SOD1: variants seen among roughly 807,000 people sequenced by gnomAD.
SOD1 encodes the protein superoxide dismutase 1.
Under a neutral mutation model 15.9 loss-of-function variants are expected in SOD1, and 8 were observed. The observed-to-expected ratio is 0.50, with a 90% CI of 0.30 to 0.91. SOD1 has a LOEUF of 0.91. Among genes scored for constraint, SOD1 ranks in the 40% least tolerant of loss-of-function variants. The pLI, the probability that SOD1 is intolerant of heterozygous loss-of-function variation, is 0.07. For missense variants in SOD1, 137 were observed against 194.5 expected (o/e 0.70, Z 1.76); for synonymous variants, 86 against 71.2 (o/e 1.21, Z -1.04).
chr21:31,664,878 A>G (rs1229231268), intron 2 of SOD1, among the ~76,000 whole-genome samples: 1 of 152,136 alleles, frequency 6.6e-6, no homozygotes, highest in Non-Finnish European at 1.5e-5. Flanking sequence ...AGCCTCCCAA[A>G]GTGCTGGGAT....
In SOD1 at chr21:31,668,617, C is replaced by A; in HGVS notation, c.*39C>A. 1 of 1,335,490 alleles carries A rather than the reference C, an allele frequency of 7.5e-7. No homozygotes were observed. The highest frequency in any genetic ancestry group is 1.2e-5 in the South Asian group (1 of 85,550). The allele number at this position is 1,335,490 out of a possible 1,614,324, so 82.7% of individuals were successfully genotyped here. ...TGTAGTCTGAGGCCCCTTAACTCAT[C>A]TGTTATCCTGCTAGCTGTAGAAATG... On this transcript the variant is annotated 3_prime_UTR_variant, in exon 5 of 5. Transcript: ENST00000270142.
In SOD1 at chr21:31,665,447, C is replaced by A. The variant is rs17880439; in HGVS notation, c.170-1002C>A. Among the ~76,000 whole-genome samples the A allele has an allele frequency of 2.6e-3, 401 of 152,202 alleles. 2 individuals are homozygous for A. Among genetic ancestry groups the A allele is most frequent in the African/African-American group, 9.4e-3 (391 of 41,526 alleles). ...ATCCATTTCTGTAATTGCTGAAATT[C>A]CCCCGAGTTGCTTTTTGGCTTTACC... On this transcript the variant is annotated intron_variant, in intron 2 of 4. Transcript: ENST00000270142.
chr21:31,666,325 A>G, intron 2 of SOD1, 124 bp from the exon 3 acceptor site: 1 of 723,240 alleles, frequency 1.4e-6, no homozygotes, highest in Non-Finnish European at 2.4e-6. Flanking sequence ...GGTGTTGCTT[A>G]TCCCAGAAGT....
At chr21:31,664,405 G>T in intron 2 of SOD1, 1 of 208,592 alleles carries the variant, frequency 4.8e-6, no homozygotes. Flanking sequence ...AAAAGTAACT[G>T]CACTAGATTG....
chr21:31,664,539 G>A, intron 2 of SOD1: 1 of 154,476 alleles, frequency 6.5e-6, no homozygotes, highest in Non-Finnish European at 1.4e-5. Context: ...ACAAAACTGG[G>A]CTTTGATACC....
Position 31,668,525 on chromosome 21 carries a change from A to T in SOD1, c.412A>T (p.Thr138Ser). The change falls in exon 5 of 5, where the codon ACA becomes TCA. Residue 138 changes from threonine (T) to serine (S), a missense_variant. Transcript: ENST00000270142. ...GKGGNEESTK[T>S]GNAGSRLACG... ...AGGTGGAAATGAAGAAAGTACAAAG[A>T]CAGGAAACGCTGGAAGTCGTTTGGC... 1 of 1,614,014 alleles carries T rather than the reference A, an allele frequency of 6.2e-7. No individual in the cohort carries two copies. The highest frequency in any genetic ancestry group is 8.5e-7 in the Non-Finnish European group (1 of 1,179,872).
chr21:31,659,719 G>A lies in SOD1; in HGVS notation c.-51G>A. The A allele has an allele frequency of 6.3e-7, 1 of 1,578,990 alleles. No homozygotes were observed. The highest frequency in any genetic ancestry group is 8.7e-7 in the Non-Finnish European group (1 of 1,148,390). On this transcript the variant is annotated 5_prime_UTR_variant, in exon 1 of 5. Coordinates refer to ENST00000270142, the MANE Select transcript of SOD1 (RefSeq NM_000454.5). The stretch of plus-strand genomic sequence containing the variant: ...CGTCGTAGTCTCCTGCAGCGTCTGG[G>A]GTTTCCGTTGCAGTCCTCGGAACCA...
At chr21:31,665,169 A>AT (rs1016414897) in intron 2 of SOD1, among the ~76,000 whole-genome samples, 5 of 151,520 alleles carry the variant, frequency 3.3e-5, no homozygotes, top group African/African-American at 1.2e-4. Flanking sequence ...CTTAAAAAAA[A>AT]TTTTTTTAAA....
intron 1 of SOD1, among the ~76,000 whole-genome samples, chr21:31,662,674 C>A (rs1028768143): frequency 6.6e-6 from 1 of 152,114 alleles, no homozygotes; most frequent in Non-Finnish European, 1.5e-5. Context: ...AGAATCAGTC[C>A]TCTCCTGGGG....
intron 2 of SOD1, among the ~76,000 whole-genome samples, chr21:31,664,673 C>A (rs2049578343): frequency 6.6e-6 from 1 of 152,120 alleles, no homozygotes; most frequent in Admixed American, 6.6e-5. Context: ...GGCTGGAGTG[C>A]AGTGGCGCGA....
intron 1 of SOD1, chr21:31,661,560 C>G (rs144550785): frequency 6.6e-6 from 1 of 152,412 alleles, no homozygotes; most frequent in East Asian, 1.9e-4. Context: ...GACGGCGTTT[C>G]ACCATGTTGG....
intron 1 of SOD1, among the ~76,000 whole-genome samples, chr21:31,662,441 A>G (rs1301179232): frequency 6.6e-6 from 1 of 152,168 alleles, no homozygotes; most frequent in Admixed American, 6.5e-5. Context: ...AACAAGAGAC[A>G]CTGACATGTT....
intron 1 of SOD1, among the ~76,000 whole-genome samples, chr21:31,661,386 C>G (rs17880326): frequency 8.1e-4 from 123 of 152,262 alleles, no homozygotes; most frequent in African/African-American, 2.8e-3. Flanking sequence ...GTTTTTCAGA[C>G]CAAGTCTCGC....
intron 1 of SOD1, 94 bp downstream of exon 1, chr21:31,659,935 C>T: frequency 7.7e-7 from 1 of 1,296,794 alleles, no homozygotes; most frequent in African/African-American, 1.5e-5. Flanking sequence ...CGCCAGGCCT[C>T]GGGGCCGCCC....
chr21:31,662,845 T>A (rs1321876157), intron 1 of SOD1, among the ~76,000 whole-genome samples: 1 of 152,044 alleles, frequency 6.6e-6, no homozygotes, highest in Non-Finnish European at 1.5e-5. Context: ...AAACCCCGTC[T>A]CTACTAAAAA....
At chr21:31,665,966 T>TG (rs1223667293) in intron 2 of SOD1, among the ~76,000 whole-genome samples, 3 of 138,452 alleles carry the variant, frequency 2.2e-5, no homozygotes, top group Non-Finnish European at 3.0e-5. Context: ...TAGAACTTGG[T>TG]GGGGTTTTTT....
Position 31,668,732 on chromosome 21 carries a change from G to T in SOD1, c.*154G>T, listed in dbSNP as rs747886198. On this transcript the variant is annotated 3_prime_UTR_variant, in exon 5 of 5. Coordinates refer to ENST00000270142, the MANE Select transcript of SOD1 (RefSeq NM_000454.5). ...TTTAAAGTACCTGTAGTGAGAAACT[G>T]ATTTATGATCACTTGGAAGATTTGT... 5 of 656,718 alleles carry T rather than the reference G, an allele frequency of 7.6e-6. No individual in the cohort carries two copies. Among genetic ancestry groups the T allele is most frequent in the Non-Finnish European group, 1.4e-5 (5 of 363,410 alleles). The allele number at this position is 656,718 out of a possible 1,614,324, so 40.7% of individuals were successfully genotyped here. A position where few individuals can be genotyped will look rare whatever the true frequency, so the allele number is the denominator to read the frequency against.
At chr21:31,666,658 G>C (rs2049595951) in intron 3 of SOD1, 140 bp downstream of exon 3, 1 of 717,658 alleles carries the variant, frequency 1.4e-6, no homozygotes, top group African/African-American at 1.8e-5. Flanking sequence ...CTAAACCCCT[G>C]CTCCCAAATG....
intron 1 of SOD1, among the ~76,000 whole-genome samples, chr21:31,661,905 C>T (rs1211950370): frequency 1.3e-5 from 2 of 152,154 alleles, no homozygotes; most frequent in East Asian, 1.9e-4. Flanking sequence ...TGGCCTATTC[C>T]GTGTTTAAAA....
Sources: allele counts gnomAD v4.1 joint callset (sites outside exome capture counted in the v4.1 genomes callset), GRCh38; gene constraint gnomAD v4.1.1; transcripts MANE v1.5; gene names NCBI Gene and HGNC (gene_info 2026-07-23, HGNC 2026-07-21).